Variants in VEPH1 observed in about 807,000 individuals in gnomAD.
The protein encoded by VEPH1 is ventricular zone-expressed PH domain-containing protein homolog 1.
Under a neutral mutation model 85.2 loss-of-function variants are expected in VEPH1, and 80 were observed. That is an observed-to-expected ratio of 0.94 (90% CI 0.78 to 1.13). The LOEUF is 1.13. Ranked by LOEUF, VEPH1 falls within the 50% of genes most tolerant of loss-of-function variation. The pLI, the probability that VEPH1 is intolerant of heterozygous loss-of-function variation, is 0.00. For missense variants in VEPH1, 955 were observed against 980.5 expected (o/e 0.97, Z 0.35); for synonymous variants, 297 against 348.0 (o/e 0.85, Z 1.63).
intron 2 of VEPH1, among the ~76,000 whole-genome samples, chr3:157,486,449 T>C (rs1312234780): frequency 6.7e-6 from 1 of 149,864 alleles, no homozygotes; most frequent in East Asian, 2.0e-4. Flanking sequence ...TTAGCCAAGA[T>C]TGTACCACTG....
intron 12 of VEPH1, among the ~76,000 whole-genome samples, chr3:157,272,841 C>G (rs1714890971): frequency 6.6e-6 from 1 of 152,110 alleles, no homozygotes; most frequent in Non-Finnish European, 1.5e-5. Context: ...CATTCTTTGG[C>G]CCTTTAGAAA....
Position 157,428,446 on chromosome 3 carries a change from T to C in VEPH1, c.572A>G (p.Lys191Arg). The change falls in exon 5 of 14, where the codon AAG (lysine) becomes AGG (arginine). Residue 191 changes from lysine to arginine, a missense_variant. Physicochemically the swap from Lys to Arg is conservative, Grantham distance 26. Coordinates refer to ENST00000362010, the MANE Select transcript of VEPH1 (RefSeq NM_001167912.2). ...GTGTCTATTAATTGGCTGAGGCTGC[T>C]TTTCATACACAGCAGGTAACACTCT... ...LLRVLPAVYE[K>R]QPQPINRHLT... The C allele has an allele frequency of 6.2e-7, 1 of 1,614,102 alleles. No individual in the cohort carries two copies.
intron 9 of VEPH1, among the ~76,000 whole-genome samples, chr3:157,334,748 G>A (rs1405102764): frequency 1.3e-5 from 2 of 152,204 alleles, no homozygotes; most frequent in Non-Finnish European, 2.9e-5. Flanking sequence ...GGTGTAGAAA[G>A]TAAGAAATAG....
Position 157,343,761 on chromosome 3 carries a change from C to T in VEPH1, c.1735+19603G>A, listed in dbSNP as rs1056411269. On this transcript the variant is annotated intron_variant, in intron 9 of 13. Transcript: ENST00000362010. ...TTAGACCAATATCCCTGATGAACAT[C>T]GACGCAAAAATCCTCAATAAAATAC... is the stretch of plus-strand genomic sequence containing the variant. 8.9e-4 allele frequency among the ~76,000 whole-genome samples: 135 copies of T among 152,194 alleles called. 1 individual carries two copies. Among genetic ancestry groups the T allele is most frequent in the African/African-American group, 3.0e-3 (126 of 41,536 alleles).
chr3:157,397,779 C>G (rs999856172), intron 6 of VEPH1, among the ~76,000 whole-genome samples: 2 of 152,184 alleles, frequency 1.3e-5, no homozygotes, highest in Non-Finnish European at 2.9e-5. Context: ...CCCTGATCAT[C>G]CAGCCAAACC....
At chr3:157,272,328 CTCT>C (rs1714714206) in intron 12 of VEPH1, among the ~76,000 whole-genome samples, 1 of 144,766 alleles carries the variant, frequency 6.9e-6, no homozygotes, top group Non-Finnish European at 1.5e-5. Flanking sequence ...CTCTCTCTCT[CTCT>C]TTCTTTCTTT....
chr3:157,291,009 G>C (rs1717416270), intron 11 of VEPH1, among the ~76,000 whole-genome samples: 1 of 152,192 alleles, frequency 6.6e-6, no homozygotes, highest in Non-Finnish European at 1.5e-5. Context: ...AGAGGGTACT[G>C]TGAAGCAATT....
At chr3:157,364,177 G>T in intron 8 of VEPH1, 126 bp downstream of exon 8, 1 of 690,656 alleles carries the variant, frequency 1.4e-6, no homozygotes. Flanking sequence ...TTTCATTCAT[G>T]TAAGGATGGC....
intron 6 of VEPH1, among the ~76,000 whole-genome samples, chr3:157,398,918 C>T (rs1482590264): frequency 6.6e-6 from 1 of 152,002 alleles, no homozygotes; most frequent in Non-Finnish European, 1.5e-5. Context: ...GCCAGCACAC[C>T]CCAAAACAAT....
chr3:157,362,206 T>C (rs915112219), intron 9 of VEPH1, among the ~76,000 whole-genome samples: 3 of 152,026 alleles, frequency 2.0e-5, no homozygotes, highest in Non-Finnish European at 4.4e-5. Context: ...AATTTCTGTA[T>C]TTGCAGTAGA....
chr3:157,437,132 C>T (rs1023946004), intron 4 of VEPH1: 12 of 1,559,920 alleles, frequency 7.7e-6, no homozygotes, highest in African/African-American at 5.5e-5. Context: ...AAATAACACA[C>T]ATATACTTTG....
chr3:157,470,779 A>G (rs1736870623), intron 2 of VEPH1, among the ~76,000 whole-genome samples: 1 of 152,188 alleles, frequency 6.6e-6, no homozygotes, highest in African/African-American at 2.4e-5. Flanking sequence ...CTGAGAGTAC[A>G]CAGGCGCTTA....
intron 5 of VEPH1, among the ~76,000 whole-genome samples, chr3:157,423,564 C>T (rs566445279): frequency 6.6e-6 from 1 of 152,356 alleles, no homozygotes; most frequent in South Asian, 2.1e-4. Flanking sequence ...TAAAAGTATG[C>T]ATTCTTCAGG....
At chr3:157,297,138 CAA>C (rs1718234260) in intron 11 of VEPH1, among the ~76,000 whole-genome samples, 1 of 152,118 alleles carries the variant, frequency 6.6e-6, no homozygotes, top group Non-Finnish European at 1.5e-5. Flanking sequence ...TCAAATCAAG[CAA>C]AATAAGAAGC....
intron 9 of VEPH1, among the ~76,000 whole-genome samples, chr3:157,347,348 A>G (rs1377095096): frequency 6.6e-6 from 1 of 152,224 alleles, no homozygotes; most frequent in Non-Finnish European, 1.5e-5. Flanking sequence ...AAGCGTATTC[A>G]AGGTTATTTT....
In VEPH1 at chr3:157,260,361, G is replaced by C. The variant is rs999572677; in HGVS notation, c.*773C>G. ...AGTTGAATACAAAGAAAAAATTATA[G>C]AACTTTAAAGTCTTAATTTTAACGG... is the stretch of plus-strand genomic sequence containing the variant. On this transcript the variant is annotated 3_prime_UTR_variant, in exon 14 of 14. Coordinates refer to ENST00000362010, the MANE Select transcript of VEPH1 (RefSeq NM_001167912.2). 1 of 152,240 alleles carries C rather than the reference G, an allele frequency of 6.6e-6. No homozygotes were observed. Among genetic ancestry groups the C allele is most frequent in the Admixed American group, 6.5e-5 (1 of 15,286 alleles). 9.4% of individuals were successfully genotyped at this position (152,240 alleles called of 1,614,324 possible).
In VEPH1 at chr3:157,286,399, T is replaced by C. The variant is rs140391898; in HGVS notation, c.2128+158A>G. The C allele has an allele frequency of 5.2e-5, 35 of 675,038 alleles. No homozygotes were observed. The African/African-American group carries it at 6.1e-4, about 12-fold the overall frequency. 41.8% of individuals were successfully genotyped at this position (675,038 alleles called of 1,614,324 possible). The stretch of plus-strand genomic sequence containing the variant: ...TCCCTTTTTCCTACGACCACTTTGG[T>C]GAGACGCCTTTCTCAGCACAAAGCA... On this transcript the variant is annotated intron_variant, in intron 12 of 13. Coordinates refer to ENST00000362010, the MANE Select transcript of VEPH1 (RefSeq NM_001167912.2).
chr3:157,313,814 T>C (rs1451283829), intron 10 of VEPH1, 59 bp from the exon 11 acceptor site: 17 of 1,586,870 alleles, frequency 1.1e-5, no homozygotes, highest in South Asian at 2.2e-5. Context: ...ATAGTATTGT[T>C]TGATTGATTT....
intron 11 of VEPH1, among the ~76,000 whole-genome samples, chr3:157,299,518 C>G (rs191167919): frequency 7.1e-6 from 1 of 140,932 alleles, no homozygotes; most frequent in Non-Finnish European, 1.5e-5. Flanking sequence ...CATCATTGTG[C>G]TACTGCAGTC....
Sources: allele counts gnomAD v4.1 joint callset (sites outside exome capture counted in the v4.1 genomes callset), GRCh38; gene constraint gnomAD v4.1.1; transcripts MANE v1.5; gene names NCBI Gene and HGNC (gene_info 2026-07-23, HGNC 2026-07-21).